COP1: variants seen among roughly 807,000 people sequenced by gnomAD.
The protein encoded by COP1 is E3 ubiquitin-protein ligase COP1.
A neutral mutation model predicts 101.3 loss-of-function variants in COP1; 24 were observed. That is an observed-to-expected ratio of 0.24 (90% CI 0.17 to 0.33). COP1 has a LOEUF of 0.33. Ranked by LOEUF, COP1 falls within the 10% of genes least tolerant of loss-of-function variation. COP1 has a pLI of 1.00. For missense variants in COP1, 663 were observed against 906.2 expected (o/e 0.73, Z 3.45); for synonymous variants, 347 against 341.9 (o/e 1.01, Z -0.17).
At chr1:175,952,798 T>C (rs985152264) in intron 18 of COP1, among the ~76,000 whole-genome samples, 1 of 131,746 alleles carries the variant, frequency 7.6e-6, no homozygotes, top group Non-Finnish European at 1.8e-5. Context: ...ATGCCTCTAG[T>C]CCCAGCTACT....
intron 11 of COP1, among the ~76,000 whole-genome samples, chr1:176,076,845 T>C (rs916239722): frequency 6.6e-6 from 1 of 152,110 alleles, no homozygotes; most frequent in Non-Finnish European, 1.5e-5. Context: ...TGAACATCTC[T>C]ATGCACAGAC....
At chr1:176,141,283 C>A (rs1001888766) in intron 6 of COP1, among the ~76,000 whole-genome samples, 3 of 152,120 alleles carry the variant, frequency 2.0e-5, no homozygotes, top group Non-Finnish European at 2.9e-5. Context: ...GGGCAGATCA[C>A]CTAAGGTCAG....
chr1:176,009,319 T>C (rs1392029047), intron 15 of COP1, among the ~76,000 whole-genome samples: 9 of 152,310 alleles, frequency 5.9e-5, no homozygotes. Context: ...TTCTAATATT[T>C]CACAATTCAA....
At chr1:176,019,219 C>T (rs978349501) in intron 15 of COP1, among the ~76,000 whole-genome samples, 10 of 151,016 alleles carry the variant, frequency 6.6e-5, no homozygotes, top group Admixed American at 1.3e-4. Context: ...AATCCCAGCA[C>T]TTTGGGAGGC....
chr1:176,138,825 T>TCA, intron 6 of COP1, among the ~76,000 whole-genome samples: 1 of 152,274 alleles, frequency 6.6e-6, no homozygotes, highest in South Asian at 2.1e-4. Flanking sequence ...GCCTTTGGGT[T>TCA]CATGGACATT....
At chr1:176,159,187 C>T (rs182937822) in intron 5 of COP1, among the ~76,000 whole-genome samples, 47 of 152,166 alleles carry the variant, frequency 3.1e-4, no homozygotes, top group Admixed American at 2.1e-3. Context: ...AAAATACAAG[C>T]ACACACACAT....
chr1:175,984,064 G>C (rs540768711), intron 18 of COP1, among the ~76,000 whole-genome samples: 2 of 152,338 alleles, frequency 1.3e-5, no homozygotes, highest in Admixed American at 6.5e-5. Flanking sequence ...AGAAATTCAA[G>C]CTGGCTGCAG....
intron 11 of COP1, among the ~76,000 whole-genome samples, chr1:176,078,114 G>GTC (rs1678405190): frequency 2.6e-5 from 4 of 151,998 alleles, no homozygotes; most frequent in African/African-American, 9.7e-5. Flanking sequence ...AAATACCAAC[G>GTC]TCATTTTTCA....
At chr1:176,155,825 C>G (rs1249407134) in intron 5 of COP1, among the ~76,000 whole-genome samples, 1 of 151,896 alleles carries the variant, frequency 6.6e-6, no homozygotes, top group African/African-American at 2.4e-5. Flanking sequence ...CTGATTTCAT[C>G]AGAAACAAAA....
rs552717942 is a variant in COP1 at position 176,052,289 on chromosome 1, C to T, written c.1278-5965G>A. Among the ~76,000 whole-genome samples the T allele has an allele frequency of 1.1e-4, 17 of 152,298 alleles. No homozygotes were observed. In the South Asian group the frequency reaches 3.5e-3, roughly 32 times the overall value. Reference sequence around the variant, plus strand: ...ACTATATCACCTACATGTCTAAGTACACTCCATGATGTTTGCACAACAAAA... The same window carrying T: ...ACTATATCACCTACATGTCTAAGTATACTCCATGATGTTTGCACAACAAAA... On this transcript the variant is annotated intron_variant, in intron 11 of 19. Transcript: ENST00000367669.
At chr1:175,993,377 G>C (rs533826178) in intron 15 of COP1, among the ~76,000 whole-genome samples, 1 of 152,196 alleles carries the variant, frequency 6.6e-6, no homozygotes, top group Non-Finnish European at 1.5e-5. Flanking sequence ...ACCAGCAACG[G>C]AACAAAGCTG....
chr1:176,085,952 A>G, intron 9 of COP1, 62 bp from the exon 10 acceptor site: 1 of 855,910 alleles, frequency 1.2e-6, no homozygotes, highest in Non-Finnish European at 1.8e-6. Context: ...TGCACAGAAT[A>G]CTCAAATGTT....
intron 15 of COP1, among the ~76,000 whole-genome samples, chr1:175,996,937 C>G (rs1022500606): frequency 2.6e-5 from 4 of 151,510 alleles, no homozygotes; most frequent in Non-Finnish European, 5.9e-5. Context: ...GCCCACATCG[C>G]CAAGTCAATC....
intron 3 of COP1, among the ~76,000 whole-genome samples, chr1:176,167,987 G>A (rs1452664216): frequency 6.6e-6 from 1 of 151,656 alleles, no homozygotes; most frequent in African/African-American, 2.4e-5. Context: ...GATTTTACAC[G>A]TTGCAAGCAT....
intron 15 of COP1, among the ~76,000 whole-genome samples, chr1:175,998,080 A>G (rs887433628): frequency 2.1e-5 from 3 of 146,086 alleles, no homozygotes; most frequent in Non-Finnish European, 3.0e-5. Context: ...AAAAAAAAAA[A>G]AAAAAAAAAA....
At chr1:176,051,424 G>A (rs1285024966) in intron 11 of COP1, among the ~76,000 whole-genome samples, 1 of 152,114 alleles carries the variant, frequency 6.6e-6, no homozygotes. Flanking sequence ...TGGAGAAGAT[G>A]GTGTGAACAA....
chr1:176,121,509 G>GCCGT (rs1558150196), intron 8 of COP1, among the ~76,000 whole-genome samples: 1 of 15,446 alleles, frequency 6.5e-5, no homozygotes, highest in Non-Finnish European at 5.6e-4. Flanking sequence ...TTCTTTAAAT[G>GCCGT]TCGTTTTTTA....
intron 14 of COP1, among the ~76,000 whole-genome samples, chr1:176,041,832 A>G (rs1202193032): frequency 6.6e-6 from 1 of 151,956 alleles, no homozygotes; most frequent in African/African-American, 2.4e-5. Context: ...AACTGGGTGA[A>G]GCCAGGTGCA....
intron 18 of COP1, among the ~76,000 whole-genome samples, chr1:175,979,406 A>T (rs1367563408): frequency 1.3e-5 from 2 of 152,048 alleles, no homozygotes; most frequent in African/African-American, 4.8e-5. Flanking sequence ...GTTTACTGAA[A>T]TCTGATGTTT....
Sources: gnomAD v4.1 joint callset for allele counts (sites outside exome capture counted in the v4.1 genomes callset) on GRCh38, gnomAD v4.1.1 for gene constraint, MANE v1.5 for transcripts, NCBI Gene and HGNC (gene_info 2026-07-23, HGNC 2026-07-21) for gene names.